The following HPSE2 variants were observed in gnomAD, a reference collection of about 807,000 sequenced individuals.
HPSE2 encodes inactive heparanase-2.
A neutral mutation model predicts 60.5 loss-of-function variants in HPSE2; 38 were observed. That is an observed-to-expected ratio of 0.63 (90% CI 0.48 to 0.82). The LOEUF is 0.82. Among genes scored for constraint, HPSE2 ranks in the 40% least tolerant of loss-of-function variants. HPSE2 has a pLI of 0.00. For synonymous variants in HPSE2, 295 were observed against 293.2 expected (o/e 1.01, Z -0.06); for missense variants, 713 against 740.4 (o/e 0.96, Z 0.43).
chr10:98,929,482 A>G (rs1954583850), intron 3 of HPSE2, among the ~76,000 whole-genome samples: 1 of 144,018 alleles, frequency 6.9e-6, no homozygotes, highest in Non-Finnish European at 1.5e-5. Context: ...TTTACATACT[A>G]AAGCTATCTT....
chr10:98,805,536 C>G (rs1313114528), intron 3 of HPSE2, among the ~76,000 whole-genome samples: 1 of 151,674 alleles, frequency 6.6e-6, no homozygotes, highest in African/African-American at 2.4e-5. Flanking sequence ...TATACACATA[C>G]ACCTACTATG....
At position 98,806,724 on chromosome 10, in the gene HPSE2, A is replaced by G. The variant is rs146768550; in HGVS notation, c.611-62668T>C. On this transcript the variant is annotated intron_variant, in intron 3 of 11. Coordinates refer to ENST00000370552, the MANE Select transcript of HPSE2 (RefSeq NM_021828.5). ...CTAGACTGTTATGTGAATGTTGTGT[A>G]ACATATTTCATGTCTCTAATTCTCA... Among the ~76,000 whole-genome samples, 776 of 152,368 alleles carry G rather than the reference A, an allele frequency of 5.1e-3. 7 individuals carry two copies. The highest frequency in any genetic ancestry group is 0.017 in the African/African-American group (719 of 41,588).
At chr10:98,873,666 C>T (rs1952793283) in intron 3 of HPSE2, among the ~76,000 whole-genome samples, 1 of 152,044 alleles carries the variant, frequency 6.6e-6, no homozygotes. Context: ...AATAGTGTTG[C>T]AATAAACATA....
chr10:98,975,997 A>G (rs1023213014), intron 3 of HPSE2, among the ~76,000 whole-genome samples: 9 of 152,216 alleles, frequency 5.9e-5, no homozygotes, highest in Admixed American at 2.0e-4. Flanking sequence ...AAGGTAGAAT[A>G]AAGTTACCAA....
intron 3 of HPSE2, among the ~76,000 whole-genome samples, chr10:99,038,991 A>C (rs1957673573): frequency 6.6e-6 from 1 of 152,140 alleles, no homozygotes; most frequent in Admixed American, 6.5e-5. Flanking sequence ...TGGCCAGCAG[A>C]ATGTCTTCAA....
chr10:98,953,573 G>A (rs1294145618), intron 3 of HPSE2, among the ~76,000 whole-genome samples: 1 of 152,078 alleles, frequency 6.6e-6, no homozygotes, highest in Non-Finnish European at 1.5e-5. Flanking sequence ...GGGCTCACTA[G>A]GTTCAGAGTA....
intron 3 of HPSE2, among the ~76,000 whole-genome samples, chr10:98,830,019 T>A (rs11189838): frequency 0.21 from 32,313 of 152,032 alleles, 3,631 homozygotes; most frequent in African/African-American, 0.26. Flanking sequence ...CAGGCCCTGG[T>A]GTGTGTTGTT....
chr10:98,565,366 C>T (rs1944313027), intron 9 of HPSE2, among the ~76,000 whole-genome samples: 1 of 152,018 alleles, frequency 6.6e-6, no homozygotes, highest in African/African-American at 2.4e-5. Flanking sequence ...TGTTTGTTCC[C>T]CTCCCTGTGT....
In HPSE2 at chr10:98,498,211, C is replaced by T. The variant is rs972880462; in HGVS notation, c.1321-8015G>A. The stretch of plus-strand genomic sequence containing the variant: ...AGAACAACCAGCAATCCTGAGAGGA[C>T]CCACAGACCCTCTGAAGGAAGTGGA... On this transcript the variant is annotated intron_variant, in intron 9 of 11. Transcript: ENST00000370552. Among the ~76,000 whole-genome samples, 8 of 152,214 alleles carry T rather than the reference C, an allele frequency of 5.3e-5. No homozygotes were observed. In the East Asian group the frequency reaches 1.5e-3, roughly 29 times the overall value.
At position 98,990,917 on chromosome 10, in the gene HPSE2, C is replaced by G. The variant is rs372913726; in HGVS notation, c.610+153321G>C. 7.9e-5 allele frequency among the ~76,000 whole-genome samples: 12 copies of G among 152,248 alleles called. No homozygotes were observed. In the South Asian group the frequency reaches 1.5e-3, roughly 18 times the overall value. ...TCTTCAGAACTTTTCCCAGTATATT[C>G]TAACATAACATCCTAAATTTTATCC... On this transcript the variant is annotated intron_variant, in intron 3 of 11. Transcript: ENST00000370552.
At chr10:99,006,414 C>T (rs924054542) in intron 3 of HPSE2, among the ~76,000 whole-genome samples, 2 of 152,194 alleles carry the variant, frequency 1.3e-5, no homozygotes, top group Admixed American at 1.3e-4. Context: ...CCTATATCCA[C>T]AGGATCTTGC....
intron 2 of HPSE2, among the ~76,000 whole-genome samples, chr10:99,214,754 A>G (rs1849063531): frequency 6.6e-6 from 1 of 152,124 alleles, no homozygotes; most frequent in Admixed American, 6.5e-5. Context: ...CAAGAAAAAA[A>G]AAACCATCAA....
chr10:99,112,524 C>T (rs1244555901), intron 3 of HPSE2, among the ~76,000 whole-genome samples: 1 of 151,992 alleles, frequency 6.6e-6, no homozygotes, highest in Non-Finnish European at 1.5e-5. Flanking sequence ...CTCCTGACCT[C>T]GTGATCCGTT....
intron 3 of HPSE2, among the ~76,000 whole-genome samples, chr10:99,076,184 G>T (rs1842946344): frequency 6.7e-6 from 1 of 149,722 alleles, no homozygotes; most frequent in African/African-American, 2.5e-5. Flanking sequence ...GATATACTTT[G>T]GTTCTTTTTT....
intron 3 of HPSE2, among the ~76,000 whole-genome samples, chr10:99,132,738 C>T (rs575333638): frequency 1.6e-4 from 24 of 152,286 alleles, no homozygotes; most frequent in South Asian, 1.2e-3. Context: ...TTTCAACACC[C>T]GCAAACCAGG....
intron 3 of HPSE2, among the ~76,000 whole-genome samples, chr10:98,910,770 T>C (rs1953956257): frequency 2.6e-5 from 4 of 152,206 alleles, no homozygotes; most frequent in Non-Finnish European, 5.9e-5. Flanking sequence ...CGGCTGATCA[T>C]ATCCAGTTGT....
chr10:99,027,949 T>G (rs1957415483), intron 3 of HPSE2, among the ~76,000 whole-genome samples: 1 of 152,152 alleles, frequency 6.6e-6, no homozygotes, highest in South Asian at 2.1e-4. Flanking sequence ...ATTGAAAATT[T>G]ACCATCCCTT....
At chr10:98,466,331 T>C (rs1940528304) in intron 11 of HPSE2, among the ~76,000 whole-genome samples, 1 of 152,100 alleles carries the variant, frequency 6.6e-6, no homozygotes, top group African/African-American at 2.4e-5. Flanking sequence ...AAATTGGTTC[T>C]GGCCAGGTGC....
intron 2 of HPSE2, among the ~76,000 whole-genome samples, chr10:99,197,718 T>C (rs1848448553): frequency 6.6e-6 from 1 of 152,160 alleles, no homozygotes; most frequent in African/African-American, 2.4e-5. Flanking sequence ...ATCATTTTCA[T>C]AGACTCAGTA....
Sources: allele counts gnomAD v4.1 joint callset (sites outside exome capture counted in the v4.1 genomes callset), GRCh38; gene constraint gnomAD v4.1.1; transcripts MANE v1.5; gene names NCBI Gene and HGNC (gene_info 2026-07-23, HGNC 2026-07-21).